SGCD: variants seen among roughly 807,000 people sequenced by gnomAD.
SGCD encodes sarcoglycan delta, also known as delta-sarcoglycan.
A neutral mutation model predicts 36.6 loss-of-function variants in SGCD; 18 were observed. The observed-to-expected ratio is 0.49, with a 90% CI of 0.34 to 0.73. SGCD has a LOEUF of 0.73. SGCD is among the 30% of genes least tolerant of loss of function. The pLI is 0.01. For synonymous variants in SGCD, 133 were observed against 130.6 expected, an observed-to-expected ratio of 1.02 and a Z score of -0.12; for missense variants, 387 against 346.7, an observed-to-expected ratio of 1.12 and a Z score of -0.92.
At chr5:155,796,375 T>C in the SGCD span, among the ~76,000 whole-genome samples, 3 of 152,112 alleles carry the variant, frequency 2.0e-5, no homozygotes, top group Non-Finnish European at 4.4e-5. Context: ...AGACATCACA[T>C]TGGTAATGTA....
chr5:156,190,781 T>C (rs962260930), intron 3 of SGCD, among the ~76,000 whole-genome samples: 1 of 152,120 alleles, frequency 6.6e-6, no homozygotes, highest in African/African-American at 2.4e-5. Flanking sequence ...TACCCTATTT[T>C]AAAGAAGGAC....
chr5:156,049,178 G>A (rs1222621070), intron 1 of SGCD, among the ~76,000 whole-genome samples: 10 of 145,954 alleles, frequency 6.9e-5, no homozygotes, highest in African/African-American at 2.0e-4. Flanking sequence ...TGTTCTGTTG[G>A]TCTATATCTC....
intron 3 of SGCD, among the ~76,000 whole-genome samples, chr5:156,416,788 C>T (rs1196770408): frequency 6.6e-6 from 1 of 152,150 alleles, no homozygotes; most frequent in East Asian, 1.9e-4. Context: ...CAAGTTGCTT[C>T]CAAAAGTTTT....
chr5:155,891,099 G>A (rs1010329939), intron 1 of SGCD, among the ~76,000 whole-genome samples: 1 of 152,190 alleles, frequency 6.6e-6, no homozygotes, highest in Admixed American at 6.5e-5. Context: ...AAAGAGAAAG[G>A]ACAGTATGTG....
intron 3 of SGCD, among the ~76,000 whole-genome samples, chr5:156,469,033 T>A (rs774919113): frequency 6.6e-6 from 1 of 152,142 alleles, no homozygotes; most frequent in East Asian, 1.9e-4. Flanking sequence ...TGGCCTAGTG[T>A]CTGGCATGGT....
chr5:156,689,822 C>G (rs955548989), intron 7 of SGCD, among the ~76,000 whole-genome samples: 3 of 152,066 alleles, frequency 2.0e-5, no homozygotes, highest in Non-Finnish European at 4.4e-5. Flanking sequence ...GTGTCTTAAG[C>G]CCTGGAAATA....
intron 3 of SGCD, among the ~76,000 whole-genome samples, chr5:156,503,753 A>T (rs1035756215): frequency 2.0e-5 from 3 of 152,218 alleles, no homozygotes; most frequent in African/African-American, 7.2e-5. Context: ...AAGAGATGAC[A>T]TGAGATAATT....
intron 7 of SGCD, among the ~76,000 whole-genome samples, chr5:156,740,210 G>A (rs754651815): frequency 3.9e-5 from 6 of 152,056 alleles, no homozygotes; most frequent in South Asian, 2.1e-4. Flanking sequence ...CTCACTCACC[G>A]TTACTTCAAA....
rs541739156 is a variant in SGCD, at chr5:156,607,881, C to T, written c.502+12830C>T. Among the ~76,000 whole-genome samples, 278 of 152,178 alleles carry T rather than the reference C, an allele frequency of 1.8e-3. 1 individual carries two copies. Among genetic ancestry groups the T allele is most frequent in the African/African-American group, 6.4e-3 (266 of 41,524 alleles). ...ATGGTAGTTTGTATTTCTGTTGGATCGGTGGTGATATCCCCTTTATCATTT... is the reference window on the plus strand; with the variant it reads ...ATGGTAGTTTGTATTTCTGTTGGATTGGTGGTGATATCCCCTTTATCATTT... On this transcript the variant is annotated intron_variant, in intron 6 of 8. Transcript: ENST00000337851.
chr5:156,125,592 CTT>C (rs1762151610), intron 3 of SGCD, among the ~76,000 whole-genome samples: 1 of 151,932 alleles, frequency 6.6e-6, no homozygotes, highest in African/African-American at 2.4e-5. Context: ...GTCAGAATAA[CTT>C]TGTCTTTTTT....
chr5:156,082,669 TAC>T (rs1192775914), intron 1 of SGCD, among the ~76,000 whole-genome samples: 1 of 152,246 alleles, frequency 6.6e-6, no homozygotes, highest in Non-Finnish European at 1.5e-5. Context: ...CTATTACAAT[TAC>T]AAGTACAATG....
the SGCD span, among the ~76,000 whole-genome samples, chr5:155,751,089 T>C: frequency 6.6e-6 from 1 of 152,224 alleles, no homozygotes; most frequent in Non-Finnish European, 1.5e-5. Context: ...TTATATTCGC[T>C]TAACACCTAT....
At chr5:156,475,738 C>G (rs577266974) in intron 3 of SGCD, among the ~76,000 whole-genome samples, 2 of 152,272 alleles carry the variant, frequency 1.3e-5, no homozygotes, top group South Asian at 4.1e-4. Flanking sequence ...GTGTATATTT[C>G]TTTGATGGTT....
chr5:156,367,345 A>G (rs902598646), intron 3 of SGCD, among the ~76,000 whole-genome samples: 1 of 152,128 alleles, frequency 6.6e-6, no homozygotes, highest in Non-Finnish European at 1.5e-5. Context: ...TCAGTTTTTG[A>G]TAGTAAGTAA....
At position 156,179,838 on chromosome 5, in the gene SGCD, G is replaced by C. The variant is rs376372804; in HGVS notation, c.-44+55819G>C. On this transcript the variant is annotated intron_variant, in intron 3 of 9. Transcript: ENST00000517913. ...GGGGTTTCATCATGTTGCCCAGGTT[G>C]GTCTCGAATTCCTCACCTCAAGTGA... 2.1e-4 allele frequency among the ~76,000 whole-genome samples: 32 copies of C among 152,080 alleles called. 1 individual carries two copies. The East Asian group carries it at 4.5e-3, about 21-fold the overall frequency.
chr5:156,226,749 A>T (rs1339015571), intron 3 of SGCD, among the ~76,000 whole-genome samples: 1 of 152,100 alleles, frequency 6.6e-6, no homozygotes, highest in Non-Finnish European at 1.5e-5. Context: ...CAACATCTAC[A>T]TCTACTATTT....
At chr5:156,543,026 G>A (rs1175453584) in intron 4 of SGCD, among the ~76,000 whole-genome samples, 1 of 152,164 alleles carries the variant, frequency 6.6e-6, no homozygotes, top group African/African-American at 2.4e-5. Flanking sequence ...GCAAGATCAG[G>A]TCTAGAAACC....
chr5:156,551,432 C>T (rs1310726638), intron 4 of SGCD, among the ~76,000 whole-genome samples: 1 of 152,156 alleles, frequency 6.6e-6, no homozygotes, highest in Non-Finnish European at 1.5e-5. Context: ...CATATTCTCA[C>T]TCTCACAATC....
intron 1 of SGCD, among the ~76,000 whole-genome samples, chr5:155,923,007 C>T (rs2113377749): frequency 6.6e-6 from 1 of 152,266 alleles, no homozygotes; most frequent in East Asian, 1.9e-4. Flanking sequence ...GAAACATAGT[C>T]ATTATTTGAG....
Sources: allele counts gnomAD v4.1 joint callset (sites outside exome capture counted in the v4.1 genomes callset), GRCh38; gene constraint gnomAD v4.1.1; transcripts MANE v1.5; gene names NCBI Gene and HGNC (gene_info 2026-07-23, HGNC 2026-07-21).